The following ZFHX4 variants were observed in gnomAD, a reference collection of about 807,000 sequenced individuals.
The protein encoded by ZFHX4 is zinc finger homeobox protein 4.
ZFHX4 carries 56 observed loss-of-function variants against 267.6 expected under a neutral mutation model. That is an observed-to-expected ratio of 0.21 (90% CI 0.17 to 0.26). ZFHX4 has a LOEUF of 0.26. Among genes scored for constraint, ZFHX4 ranks in the 10% least tolerant of loss-of-function variants. The pLI is 1.00. For synonymous variants in ZFHX4, 1,778 were observed against 1,665.6 expected, an observed-to-expected ratio of 1.07 and a Z score of -1.64; for missense variants, 4,332 against 4,420.0, an observed-to-expected ratio of 0.98 and a Z score of 0.56.
At position 76,752,033 on chromosome 8, in the gene ZFHX4, T is replaced by C. The variant is rs552671500; in HGVS notation, c.3094-26175T>C. ...AATTATCTAGTTGTATATATTCCCA[T>C]GAAAATAAGATGAGGTTTGAGGATG... On this transcript the variant is annotated intron_variant, in intron 3 of 10. Transcript: ENST00000651372. 2.6e-5 allele frequency among the ~76,000 whole-genome samples: 4 copies of C among 152,228 alleles called. No individual in the cohort carries two copies. The East Asian group carries it at 5.8e-4, about 22-fold the overall frequency.
chr8:76,841,671 C>T (rs1332089775), intron 5 of ZFHX4, among the ~76,000 whole-genome samples: 3 of 152,068 alleles, frequency 2.0e-5, no homozygotes, highest in Admixed American at 6.6e-5. Context: ...GCTTCAAATC[C>T]CATTTTACCT....
rs1808309396 is a variant in ZFHX4 at position 76,707,556 on chromosome 8, GCTGCCGC to G, written c.2605_2611del (p.Pro869LysfsTer9). ...TTTTTTTTCCTGTAGTAAATAATGA[GCTGCCGC>G]CTGAAATCCGGCTTGCCAGTGGTCA... On this transcript the variant is annotated frameshift_variant, in exon 3 of 11. Coordinates refer to ENST00000651372, the MANE Select transcript of ZFHX4 (RefSeq NM_024721.5). LOFTEE classifies it high-confidence loss of function. 1 of 1,577,824 alleles carries G rather than the reference GCTGCCGC, an allele frequency of 6.3e-7. No individual in the cohort carries two copies.
At chr8:76,759,551 T>C (rs1809854446) in intron 3 of ZFHX4, among the ~76,000 whole-genome samples, 1 of 152,206 alleles carries the variant, frequency 6.6e-6, no homozygotes, top group Admixed American at 6.5e-5. Flanking sequence ...CAATTAACTA[T>C]CAAAGATTTG....
chr8:76,746,994 A>G (rs1052753706), intron 3 of ZFHX4, among the ~76,000 whole-genome samples: 3 of 152,140 alleles, frequency 2.0e-5, no homozygotes, highest in African/African-American at 7.2e-5. Context: ...CAAAAACTTC[A>G]TTTCTTATAT....
At position 76,854,136 on chromosome 8, in the gene ZFHX4, A is replaced by G; in HGVS notation, c.7215A>G (p.Lys2405=). Residue 2405 remains lysine (K), a synonymous_variant, in exon 10 of 11, where the codon AAA becomes AAG. Coordinates refer to ENST00000651372, the MANE Select transcript of ZFHX4 (RefSeq NM_024721.5). The stretch of plus-strand genomic sequence containing the variant: ...CAGAACCTGAGAAGACTTCTCCAAA[A>G]CCTGAATATCCCGCAGAAAAGCCAA... The part of the protein sequence containing the change: ...PKPEPEKTSP[K]PEYPAEKPKQ... 6.2e-7 allele frequency: 1 copy of G among 1,612,366 alleles called. No individual in the cohort carries two copies. The highest frequency in any genetic ancestry group is 8.5e-7 in the Non-Finnish European group (1 of 1,179,162).
chr8:76,752,511 A>T (rs1200114696), intron 3 of ZFHX4, among the ~76,000 whole-genome samples: 6 of 146,578 alleles, frequency 4.1e-5, no homozygotes, highest in Non-Finnish European at 9.0e-5. Flanking sequence ...AAAAAAAAAG[A>T]AAAAAGAACT....
rs1808185378 is a variant in ZFHX4 at position 76,704,324 on chromosome 8, A to T, written c.236A>T (p.Glu79Val). Residue 79 changes from glutamate (E) to valine (V), a missense_variant, in exon 2 of 11, where the codon GAG becomes GTG. By Grantham distance (121) the Glu-to-Val change is moderately radical (BLOSUM62 -2). This residue lies in a region of ZFHX4 where 1,195 missense variants were observed against 1,173.6 expected (regional missense o/e 1.02). Transcript: ENST00000651372. ...GCCACTCAGGTTACCTCAGCAAAGGAGATACCCTGCAACGAATGTGCCACT... is the reference window on the plus strand; with the variant it reads ...GCCACTCAGGTTACCTCAGCAAAGGTGATACCCTGCAACGAATGTGCCACT... ...AAATQVTSAKEIPCNECATSF... is the reference protein window; with the variant it reads ...AAATQVTSAKVIPCNECATSF... 6.2e-7 allele frequency: 1 copy of T among 1,613,894 alleles called. No individual in the cohort carries two copies. Among genetic ancestry groups the T allele is most frequent in the African/African-American group, 1.3e-5 (1 of 74,922 alleles).
intron 3 of ZFHX4, among the ~76,000 whole-genome samples, chr8:76,709,427 T>C (rs1273795566): frequency 6.6e-6 from 1 of 152,168 alleles, no homozygotes; most frequent in Non-Finnish European, 1.5e-5. Context: ...TTAATTGTAT[T>C]ATAATTCATA....
At chr8:76,693,692 T>C (rs1052108059) in intron 1 of ZFHX4, among the ~76,000 whole-genome samples, 1 of 152,210 alleles carries the variant, frequency 6.6e-6, no homozygotes, top group Non-Finnish European at 1.5e-5. Flanking sequence ...TGCTCTGGGA[T>C]TGTAAAGGTA....
intron 4 of ZFHX4, among the ~76,000 whole-genome samples, chr8:76,786,350 G>A (rs938049673): frequency 6.7e-5 from 10 of 149,916 alleles, no homozygotes; most frequent in African/African-American, 1.5e-4. Context: ...TACTAACAAC[G>A]TATGGAATAG....
chr8:76,811,120 G>A (rs1392839719), intron 4 of ZFHX4, among the ~76,000 whole-genome samples: 1 of 152,028 alleles, frequency 6.6e-6, no homozygotes, highest in Non-Finnish European at 1.5e-5. Flanking sequence ...TCATCTCACG[G>A]CTAAGGACTT....
intron 4 of ZFHX4, among the ~76,000 whole-genome samples, chr8:76,800,767 CA>C: frequency 6.6e-6 from 1 of 152,218 alleles, no homozygotes; most frequent in South Asian, 2.1e-4. Flanking sequence ...AGAAAGCATG[CA>C]AAACACTTTA....
intron 4 of ZFHX4, among the ~76,000 whole-genome samples, chr8:76,796,661 G>A (rs1254460023): frequency 6.6e-6 from 1 of 152,090 alleles, no homozygotes; most frequent in Non-Finnish European, 1.5e-5. Flanking sequence ...CAACTGTAAT[G>A]GTCTAACCAC....
Position 76,864,659 on chromosome 8 carries a change from C to CA in ZFHX4, c.*99dup. 1 of 875,096 alleles carries CA rather than the reference C, an allele frequency of 1.1e-6. No individual in the cohort carries two copies. The highest frequency in any genetic ancestry group is 1.7e-6 in the Non-Finnish European group (1 of 596,744). The allele number at this position is 875,096 out of a possible 1,614,324, so 54.2% of individuals were successfully genotyped here. On this transcript the variant is annotated 3_prime_UTR_variant, in exon 11 of 11. Coordinates refer to ENST00000651372, the MANE Select transcript of ZFHX4 (RefSeq NM_024721.5). ...CTGCAGTTCCAAAGCTTCTCTAACC[C>CA]AAAAATTACAGTACCAAATGATTGA...
chr8:76,783,171 A>C (rs1810597329), intron 4 of ZFHX4, among the ~76,000 whole-genome samples: 1 of 152,020 alleles, frequency 6.6e-6, no homozygotes, highest in Admixed American at 6.6e-5. Flanking sequence ...TATAAAGATA[A>C]TTATTACTAA....
intron 5 of ZFHX4, among the ~76,000 whole-genome samples, chr8:76,834,632 A>G (rs1042143388): frequency 1.3e-5 from 2 of 152,064 alleles, no homozygotes; most frequent in African/African-American, 4.8e-5. Context: ...AGTTCTTTGT[A>G]TATTTCAGAT....
chr8:76,754,580 AATT>A (rs961065048), intron 3 of ZFHX4, among the ~76,000 whole-genome samples: 3 of 152,110 alleles, frequency 2.0e-5, no homozygotes, highest in Non-Finnish European at 2.9e-5. Flanking sequence ...TATAGATAAT[AATT>A]ATACCTATTT....
In ZFHX4 at chr8:76,852,667, T is replaced by C. The variant is rs1213600416; in HGVS notation, c.5746T>C (p.Phe1916Leu). The C allele has an allele frequency of 6.2e-7, 1 of 1,613,828 alleles. No homozygotes were observed. Among genetic ancestry groups the C allele is most frequent in the Non-Finnish European group, 8.5e-7 (1 of 1,179,834 alleles). ...TGCTGCCAAAGCGTTATTGGAAAACTTTGGTTTTGAACTGGTCATTCAGTA... is the reference window on the plus strand; with the variant it reads ...TGCTGCCAAAGCGTTATTGGAAAACCTTGGTTTTGAACTGGTCATTCAGTA... ...GNAAKALLENFGFELVIQYNE... is the reference protein window; with the variant it reads ...GNAAKALLENLGFELVIQYNE... Residue 1916 changes from phenylalanine (F) to leucine (L), a missense_variant, in exon 10 of 11, where the codon TTT becomes CTT. Phe to Leu is a conservative substitution (Grantham distance 22, BLOSUM62 0). Around this residue, in one of 7 missense-constraint regions of ZFHX4, gnomAD observed 1,371 missense variants for 1,423.1 expected, o/e 0.96. Coordinates refer to ENST00000651372, the MANE Select transcript of ZFHX4 (RefSeq NM_024721.5).
chr8:76,698,226 G>A (rs753442186), intron 1 of ZFHX4, among the ~76,000 whole-genome samples: 5 of 152,108 alleles, frequency 3.3e-5, no homozygotes, highest in Non-Finnish European at 5.9e-5. Context: ...ACCAAAGTTT[G>A]TTTATAGAGG....
Sources: gnomAD v4.1 joint callset for allele counts (sites outside exome capture counted in the v4.1 genomes callset) on GRCh38, gnomAD v4.1.1 for gene constraint, gnomAD v4.1.1 regional missense constraint, MANE v1.5 for transcripts, NCBI Gene and HGNC (gene_info 2026-07-23, HGNC 2026-07-21) for gene names.